Variants in NXPH1 observed in about 807,000 individuals in gnomAD.
NXPH1 encodes the protein neurexophilin-1.
Under a neutral mutation model 23.7 loss-of-function variants are expected in NXPH1, and 5 were observed. The observed-to-expected ratio is 0.21, with a 90% CI of 0.11 to 0.44. The LOEUF (loss-of-function observed/expected upper bound fraction) is 0.44. Ranked by LOEUF, NXPH1 falls within the 20% of genes least tolerant of loss-of-function variation. The pLI is 0.99. For synonymous variants in NXPH1, 144 were observed against 122.2 expected (o/e 1.18, Z -1.18); for missense variants, 324 against 321.6 (o/e 1.01, Z -0.06).
In NXPH1 at chr7:8,482,208, G is replaced by A. The variant is rs550029199; in HGVS notation, c.54+46441G>A. Among the ~76,000 whole-genome samples, 8 of 152,298 alleles carry A rather than the reference G, an allele frequency of 5.3e-5. No individual in the cohort carries two copies. The East Asian group carries it at 9.7e-4, about 18-fold the overall frequency. On this transcript the variant is annotated intron_variant, in intron 2 of 2. Transcript: ENST00000405863. ...GCTAAATTGCAGGGAAAGTGTTTCC[G>A]TGAGCTTTGCTGGCTTTCCCAAATG...
At chr7:8,720,809 A>G (rs1292929103) in intron 2 of NXPH1, among the ~76,000 whole-genome samples, 1 of 152,214 alleles carries the variant, frequency 6.6e-6, no homozygotes, top group Non-Finnish European at 1.5e-5. Flanking sequence ...TTTCTCTAAT[A>G]TCAATTTGTC....
chr7:8,621,046 G>C (rs57523760), intron 2 of NXPH1, among the ~76,000 whole-genome samples: 9,045 of 152,216 alleles, frequency 0.059, 496 homozygotes, highest in East Asian at 0.17. Context: ...GGCTGGGGAA[G>C]AAGACATCAT....
intron 2 of NXPH1, among the ~76,000 whole-genome samples, chr7:8,572,688 A>G (rs997131260): frequency 6.6e-6 from 1 of 152,098 alleles, no homozygotes; most frequent in African/African-American, 2.4e-5. Context: ...CATCTAATAC[A>G]TAATGGAAAC....
chr7:8,542,506 C>T (rs923200702), intron 2 of NXPH1, among the ~76,000 whole-genome samples: 33 of 151,510 alleles, frequency 2.2e-4, no homozygotes, highest in African/African-American at 8.0e-4. Flanking sequence ...CTCTATGCAA[C>T]AAGAGCAGAA....
At chr7:8,476,459 A>AT (rs77595859) in intron 2 of NXPH1, among the ~76,000 whole-genome samples, 96 of 143,588 alleles carry the variant, frequency 6.7e-4, no homozygotes, top group Middle Eastern at 3.7e-3. Context: ...GACGCAATTC[A>AT]TTTTTTTTTT....
chr7:8,606,446 G>A (rs1386654617), intron 2 of NXPH1, among the ~76,000 whole-genome samples: 3 of 152,048 alleles, frequency 2.0e-5, no homozygotes, highest in South Asian at 2.1e-4. Flanking sequence ...ATTTGCCTCT[G>A]GGGATTTACC....
At chr7:8,694,393 C>T (rs919423694) in intron 2 of NXPH1, among the ~76,000 whole-genome samples, 6 of 152,076 alleles carry the variant, frequency 3.9e-5, no homozygotes, top group Admixed American at 1.3e-4. Flanking sequence ...TAGCTCAGTG[C>T]TTTTGGGGGA....
At chr7:8,684,868 TTAAC>T (rs1276706746) in intron 2 of NXPH1, among the ~76,000 whole-genome samples, 1 of 152,192 alleles carries the variant, frequency 6.6e-6, no homozygotes, top group Non-Finnish European at 1.5e-5. Context: ...TGTTAATTAT[TTAAC>T]TATCTTCCAA....
At chr7:8,684,667 T>C (rs1403979453) in intron 2 of NXPH1, among the ~76,000 whole-genome samples, 3 of 152,208 alleles carry the variant, frequency 2.0e-5, no homozygotes, top group Non-Finnish European at 2.9e-5. Flanking sequence ...AAACCGGATA[T>C]ACTCATTAAT....
At chr7:8,504,485 C>CCCTGTTCT (rs1817489456) in intron 2 of NXPH1, among the ~76,000 whole-genome samples, 1 of 151,940 alleles carries the variant, frequency 6.6e-6, no homozygotes, top group Non-Finnish European at 1.5e-5. Flanking sequence ...ACAGGGAACT[C>CCCTGTTCT]ACCTATGTAA....
intron 2 of NXPH1, among the ~76,000 whole-genome samples, chr7:8,441,237 G>T (rs1339993165): frequency 6.6e-6 from 1 of 152,068 alleles, no homozygotes; most frequent in African/African-American, 2.4e-5. Context: ...TCTCAAAGCG[G>T]GTCTGCACTC....
chr7:8,601,933 A>G (rs1052838434), intron 2 of NXPH1, among the ~76,000 whole-genome samples: 1 of 152,258 alleles, frequency 6.6e-6, no homozygotes, highest in Non-Finnish European at 1.5e-5. Context: ...CAATGGCCAC[A>G]TTTTAGCTTA....
At chr7:8,462,228 T>C (rs987962317) in intron 2 of NXPH1, among the ~76,000 whole-genome samples, 3 of 152,178 alleles carry the variant, frequency 2.0e-5, no homozygotes, top group African/African-American at 4.8e-5. Context: ...TTTGTATTTT[T>C]AGTAGAGATG....
At chr7:8,589,254 A>G (rs1819041674) in intron 2 of NXPH1, among the ~76,000 whole-genome samples, 1 of 152,144 alleles carries the variant, frequency 6.6e-6, no homozygotes, top group Non-Finnish European at 1.5e-5. Flanking sequence ...TCTGAGAATC[A>G]GAGAATTAGA....
chr7:8,721,874 C>T (rs1338183006), intron 2 of NXPH1, among the ~76,000 whole-genome samples: 1 of 152,196 alleles, frequency 6.6e-6, no homozygotes, highest in Non-Finnish European at 1.5e-5. Context: ...ATGAAATAAA[C>T]ATTTTAATTA....
At chr7:8,466,177 G>A in intron 2 of NXPH1, among the ~76,000 whole-genome samples, 1 of 152,178 alleles carries the variant, frequency 6.6e-6, no homozygotes, top group East Asian at 1.9e-4. Context: ...TGAGTTAAAG[G>A]AAATCAAGAC....
At chr7:8,589,794 C>A (rs1819054238) in intron 2 of NXPH1, among the ~76,000 whole-genome samples, 1 of 152,020 alleles carries the variant, frequency 6.6e-6, no homozygotes. Context: ...CTGCACCATC[C>A]AATAGATAGC....
chr7:8,439,609 G>C (rs565328771), intron 2 of NXPH1, among the ~76,000 whole-genome samples: 1 of 152,292 alleles, frequency 6.6e-6, no homozygotes, highest in Non-Finnish European at 1.5e-5. Flanking sequence ...ATCAAAATAG[G>C]CATGAATTAA....
chr7:8,573,796 A>G (rs938778616), intron 2 of NXPH1, among the ~76,000 whole-genome samples: 1 of 152,136 alleles, frequency 6.6e-6, no homozygotes, highest in Non-Finnish European at 1.5e-5. Flanking sequence ...CAGCTATCAA[A>G]ATTTGAATGT....
Sources: allele counts gnomAD v4.1 joint callset (sites outside exome capture counted in the v4.1 genomes callset), GRCh38; gene constraint gnomAD v4.1.1; transcripts MANE v1.5; gene names NCBI Gene and HGNC (gene_info 2026-07-23, HGNC 2026-07-21).